Variants in OPCML observed in about 807,000 individuals in gnomAD.
OPCML encodes opioid-binding protein/cell adhesion molecule.
Under a neutral mutation model 37.8 loss-of-function variants are expected in OPCML, and 13 were observed. The ratio of observed to expected loss-of-function variants is 0.34; its 90% CI spans 0.22 to 0.55. The LOEUF (loss-of-function observed/expected upper bound fraction) is 0.55, where lower values mean the gene tolerates loss of function less well. Ranked by LOEUF, OPCML falls within the 20% of genes least tolerant of loss-of-function variation. OPCML has a pLI of 0.91. For synonymous variants in OPCML, 176 were observed against 168.8 expected, an observed-to-expected ratio of 1.04 and a Z score of -0.33; for missense variants, 341 against 435.6, an observed-to-expected ratio of 0.78 and a Z score of 1.93.
chr11:133,504,663 T>C lies in OPCML; in HGVS notation c.61+27601A>G, dbSNP rs550808103. On this transcript the variant is annotated intron_variant, in intron 1 of 7. Coordinates refer to ENST00000524381, the MANE Select transcript of OPCML (RefSeq NM_001012393.5). ...CTGCTGATCTTCATCCATGCCAGCA[T>C]TGAGAAGCCGTCAAATGGGACTGGG... Among the ~76,000 whole-genome samples the C allele has an allele frequency of 2.6e-5, 4 of 152,300 alleles. No homozygotes were observed. In the South Asian group the frequency reaches 8.3e-4, roughly 32 times the overall value.
intron 1 of OPCML, chr11:133,006,054 C>T (rs922927357): frequency 1.1e-5 from 11 of 985,178 alleles, no homozygotes; most frequent in East Asian, 2.3e-4. Context: ...ATCCTAAGGG[C>T]GACCGGGAAT....
chr11:133,266,401 C>T (rs957973436), intron 1 of OPCML, among the ~76,000 whole-genome samples: 2 of 152,154 alleles, frequency 1.3e-5, no homozygotes, highest in African/African-American at 4.8e-5. Context: ...CTTTTGAGCT[C>T]CCCTTAGACA....
chr11:133,275,833 T>G (rs11223427), intron 1 of OPCML, among the ~76,000 whole-genome samples: 1 of 152,218 alleles, frequency 6.6e-6, no homozygotes, highest in African/African-American at 2.4e-5. Flanking sequence ...TGCTACCATC[T>G]CCTTCCTTGA....
At chr11:132,786,441 T>A (rs1947214541) in intron 2 of OPCML, among the ~76,000 whole-genome samples, 1 of 152,216 alleles carries the variant, frequency 6.6e-6, no homozygotes, top group African/African-American at 2.4e-5. Flanking sequence ...AAGTAAGTGA[T>A]TTCACTATCA....
At chr11:133,227,551 C>T (rs961915767) in intron 1 of OPCML, among the ~76,000 whole-genome samples, 2 of 151,950 alleles carry the variant, frequency 1.3e-5, no homozygotes, top group Non-Finnish European at 2.9e-5. Flanking sequence ...TCTTTAATAC[C>T]GAAACTTTAA....
chr11:132,858,876 C>T (rs895014086), intron 2 of OPCML, among the ~76,000 whole-genome samples: 6 of 152,252 alleles, frequency 3.9e-5, no homozygotes, highest in East Asian at 1.9e-4. Context: ...TATGAGGTAA[C>T]GCAGCAGAAA....
intron 1 of OPCML, among the ~76,000 whole-genome samples, chr11:133,041,644 G>T (rs1947899513): frequency 6.6e-6 from 1 of 152,130 alleles, no homozygotes; most frequent in South Asian, 2.1e-4. Context: ...TTTTTCAAAG[G>T]AAACATCCTA....
chr11:133,402,528 A>G (rs1038830514), intron 1 of OPCML, among the ~76,000 whole-genome samples: 1 of 152,242 alleles, frequency 6.6e-6, no homozygotes, highest in African/African-American at 2.4e-5. Context: ...TCAGTCTCTC[A>G]TAATCACACA....
In OPCML at chr11:132,532,230, C is replaced by G. The variant is rs539299784; in HGVS notation, c.380-3044G>C. Reference sequence around the variant, plus strand: ...TCGCGAAGACTAACCAAGATGTTCCCTCTAAGCCCAGGTAGTGTTGTCTGC... The same window carrying G: ...TCGCGAAGACTAACCAAGATGTTCCGTCTAAGCCCAGGTAGTGTTGTCTGC... On this transcript the variant is annotated intron_variant, in intron 3 of 7. Coordinates refer to ENST00000524381, the MANE Select transcript of OPCML (RefSeq NM_001012393.5). Among the ~76,000 whole-genome samples, 19 of 152,254 alleles carry G rather than the reference C, an allele frequency of 1.2e-4. No individual in the cohort carries two copies. The South Asian group carries it at 3.7e-3, about 30-fold the overall frequency.
intron 1 of OPCML, among the ~76,000 whole-genome samples, chr11:133,224,987 G>A (rs61665956): frequency 0.036 from 5,454 of 152,220 alleles, 130 homozygotes; most frequent in East Asian, 0.1. Flanking sequence ...GGAAATCAAC[G>A]CTTGCAGTCA....
At chr11:132,751,007 C>T (rs1411944872) in intron 2 of OPCML, among the ~76,000 whole-genome samples, 2 of 152,028 alleles carry the variant, frequency 1.3e-5, no homozygotes, top group East Asian at 1.9e-4. Flanking sequence ...ACAAGTTGTT[C>T]GGAGGATAGA....
intron 3 of OPCML, among the ~76,000 whole-genome samples, chr11:132,601,602 A>G (rs1266393640): frequency 1.3e-5 from 2 of 152,148 alleles, no homozygotes; most frequent in African/African-American, 4.8e-5. Context: ...CATCAAGTGG[A>G]GAATGACTTG....
intron 3 of OPCML, among the ~76,000 whole-genome samples, chr11:132,534,151 T>C (rs185406448): frequency 6.6e-6 from 1 of 152,134 alleles, no homozygotes; most frequent in Non-Finnish European, 1.5e-5. Flanking sequence ...TTTTTTTTTC[T>C]GGGCTCAGTT....
intron 4 of OPCML, among the ~76,000 whole-genome samples, chr11:132,456,051 G>T (rs1172421309): frequency 6.6e-6 from 1 of 152,162 alleles, no homozygotes; most frequent in African/African-American, 2.4e-5. Context: ...TCAAGGTTTT[G>T]TAGTCTAGTG....
intron 1 of OPCML, chr11:133,301,413 T>C (rs1942773139): frequency 6.6e-6 from 1 of 152,202 alleles, no homozygotes; most frequent in African/African-American, 2.4e-5. Flanking sequence ...GAGATATTTA[T>C]TGCTTAAAGA....
rs991478113 is a variant in OPCML at position 133,287,969 on chromosome 11, C to T, written c.61+244295G>A. Reference sequence around the variant, plus strand: ...TCTTGAAGACAGGCTCACAGCTGGCCATCTTTCTGTCCTGGCTGATGCTAA... The same window carrying T: ...TCTTGAAGACAGGCTCACAGCTGGCTATCTTTCTGTCCTGGCTGATGCTAA... On this transcript the variant is annotated intron_variant, in intron 1 of 7. Transcript: ENST00000524381. Among the ~76,000 whole-genome samples, 6 of 152,314 alleles carry T rather than the reference C, an allele frequency of 3.9e-5. No homozygotes were observed. The East Asian group carries it at 9.7e-4, about 25-fold the overall frequency.
chr11:133,173,908 G>A lies in OPCML; in HGVS notation c.62-230898C>T, dbSNP rs1399237071. On this transcript the variant is annotated intron_variant, in intron 1 of 7. Transcript: ENST00000524381. This position sits in a 1 kb window ranked among gnomAD's most constrained non-coding sequence, Gnocchi z 7.8. ...AGGGCTGGAATGAAGATTGGACCGG[G>A]GCCGGCCGGCACTGGAGCAGCCCTC... Among the ~76,000 whole-genome samples the A allele has an allele frequency of 1.3e-5, 2 of 152,134 alleles. No individual in the cohort carries two copies. Among genetic ancestry groups the A allele is most frequent in the Non-Finnish European group, 2.9e-5 (2 of 68,014 alleles).
chr11:132,905,578 A>T (rs555400120), intron 2 of OPCML, among the ~76,000 whole-genome samples: 1 of 152,136 alleles, frequency 6.6e-6, no homozygotes, highest in Non-Finnish European at 1.5e-5. Context: ...CCACCATGCT[A>T]GGTAGATAGT....
At chr11:133,122,880 C>A (rs115136257) in intron 1 of OPCML, among the ~76,000 whole-genome samples, 1 of 152,164 alleles carries the variant, frequency 6.6e-6, no homozygotes, top group East Asian at 1.9e-4. Context: ...CTACAGCCAG[C>A]GAGTAATTCT....
Sources: allele counts gnomAD v4.1 joint callset (sites outside exome capture counted in the v4.1 genomes callset), GRCh38; gene constraint gnomAD v4.1.1; non-coding constraint Gnocchi (gnomAD v3.1); transcripts MANE v1.5; gene names NCBI Gene and HGNC (gene_info 2026-07-23, HGNC 2026-07-21).